Variants in WBP4 observed in about 807,000 individuals in gnomAD.
WBP4 encodes the protein WW domain-binding protein 4.
A neutral mutation model predicts 55.4 loss-of-function variants in WBP4; 37 were observed. The ratio of observed to expected loss-of-function variants is 0.67; its 90% CI spans 0.51 to 0.88. WBP4 has a LOEUF of 0.88. Ranked by LOEUF, WBP4 falls within the 40% of genes least tolerant of loss-of-function variation. The pLI, the probability that WBP4 is intolerant of heterozygous loss-of-function variation, is 0.00. For synonymous variants in WBP4, 142 were observed against 140.2 expected, an observed-to-expected ratio of 1.01 and a Z score of -0.09; for missense variants, 398 against 420.8, an observed-to-expected ratio of 0.95 and a Z score of 0.47.
chr13:41,062,510 A>G, intron 1 of WBP4, 134 bp from the exon 2 acceptor site: 1 of 797,156 alleles, frequency 1.3e-6, no homozygotes, highest in Non-Finnish European at 1.8e-6. Context: ...GATAAATAAT[A>G]AAACGACTAT....
chr13:41,076,483 T>G (rs1449971952), intron 8 of WBP4, among the ~76,000 whole-genome samples: 1 of 151,932 alleles, frequency 6.6e-6, no homozygotes, highest in Non-Finnish European at 1.5e-5. Context: ...TTTTACCATG[T>G]TAATAACCAG....
chr13:41,064,958 A>C, intron 2 of WBP4, 58 bp from the exon 3 acceptor site: 4 of 1,402,892 alleles, frequency 2.9e-6, no homozygotes, highest in Non-Finnish European at 3.8e-6. Flanking sequence ...TATGTTTACT[A>C]TGAATTTTAT....
chr13:41,068,724 T>A lies in WBP4; in HGVS notation c.426T>A (p.Asp142Glu). The A allele has an allele frequency of 5.0e-6, 8 of 1,600,210 alleles. No homozygotes were observed. The highest frequency in any genetic ancestry group is 6.0e-6 in the Non-Finnish European group (7 of 1,174,744). The change falls in exon 5 of 10, where the codon GAT becomes GAA. Residue 142 changes from aspartate to glutamate, a missense_variant. Physicochemically the swap from Asp to Glu is conservative, Grantham distance 45 (BLOSUM62 2). Coordinates refer to ENST00000379487, the MANE Select transcript of WBP4 (RefSeq NM_007187.5). ...ITSEGYHYYY[D>E]LISGASQWEK... The stretch of plus-strand genomic sequence containing the variant: ...CTGAGGGTTACCATTACTATTATGA[T>A]CTTATCTCAGGAGGTAAGTCATTTA...
rs1168410209 is a variant in WBP4 at position 41,061,569 on chromosome 13, A to C, written c.-105A>C. The C allele has an allele frequency of 1.7e-5, 26 of 1,558,372 alleles. No homozygotes were observed. Among genetic ancestry groups the C allele is most frequent in the Non-Finnish European group, 2.2e-5 (25 of 1,134,408 alleles). ...TGAGTAAGGTGTCTGGATCGGAGGGAGGTTCGGGTGGGCATCGGGCGGCTG... is the reference window on the plus strand; with the variant it reads ...TGAGTAAGGTGTCTGGATCGGAGGGCGGTTCGGGTGGGCATCGGGCGGCTG... On this transcript the variant is annotated 5_prime_UTR_variant, in exon 1 of 10. Coordinates refer to ENST00000379487, the MANE Select transcript of WBP4 (RefSeq NM_007187.5).
chr13:41,080,501 A>G (rs755469940), intron 8 of WBP4, 145 bp from the exon 9 acceptor site: 8 of 628,310 alleles, frequency 1.3e-5, no homozygotes, highest in South Asian at 6.7e-5. Flanking sequence ...GTAAAGTTCT[A>G]TGTATATTTA....
intron 2 of WBP4, among the ~76,000 whole-genome samples, chr13:41,063,891 C>T (rs931329999): frequency 4.6e-5 from 7 of 152,100 alleles, no homozygotes; most frequent in Admixed American, 3.3e-4. Flanking sequence ...GTTAATGCAT[C>T]ATGTAAGATT....
intron 4 of WBP4, among the ~76,000 whole-genome samples, chr13:41,067,080 C>G (rs1389790489): frequency 6.6e-6 from 1 of 152,112 alleles, no homozygotes; most frequent in Non-Finnish European, 1.5e-5. Flanking sequence ...CCTCGACCTC[C>G]CGGGCTCCAG....
intron 8 of WBP4, among the ~76,000 whole-genome samples, chr13:41,079,042 CTGTT>C (rs1476984123): frequency 3.3e-5 from 5 of 151,982 alleles, no homozygotes; most frequent in African/African-American, 1.2e-4. Flanking sequence ...TTGGGAAAAA[CTGTT>C]TGCAAACTAT....
intron 2 of WBP4, 144 bp from the exon 3 acceptor site, chr13:41,064,872 A>G (rs1481774353): frequency 2.6e-6 from 2 of 756,360 alleles, no homozygotes; most frequent in Non-Finnish European, 2.0e-6. Context: ...TAAAAGGGCC[A>G]ATTTGCATTA....
Position 41,080,717 on chromosome 13 carries a change from T to G in WBP4, c.828T>G (p.Asn276Lys). The G allele has an allele frequency of 1.2e-6, 2 of 1,606,550 alleles. No homozygotes were observed. Among genetic ancestry groups the G allele is most frequent in the Non-Finnish European group, 1.7e-6 (2 of 1,178,170 alleles). ...AAGAAAAAAGTATTCAGAAACAGAA[T>G]TCATTAGGTTCAAATGAAGAAAAAT... is the stretch of plus-strand genomic sequence containing the variant. ...TQKEKSIQKQNSLGSNEEKSK... is the reference protein window; with the variant it reads ...TQKEKSIQKQKSLGSNEEKSK... The change falls in exon 9 of 10, where the codon AAT (asparagine) becomes AAG (lysine). Residue 276 changes from asparagine (N) to lysine (K), a missense_variant. By Grantham distance (94) the Asn-to-Lys change is moderately conservative (BLOSUM62 0). Coordinates refer to ENST00000379487, the MANE Select transcript of WBP4 (RefSeq NM_007187.5).
chr13:41,080,662 G>T lies in WBP4; in HGVS notation c.773G>T (p.Ser258Ile). ...ACATTTCAGGAAAAAAATAAAAATA[G>T]TGATGGAGGAAGTGACCCAGAAACA... The part of the protein sequence containing the change: ...KIKFKEKNKN[S>I]DGGSDPETQK... Residue 258 changes from serine (S) to isoleucine (I), a missense_variant, in exon 9 of 10, where the codon AGT becomes ATT. Transcript: ENST00000379487. The T allele has an allele frequency of 6.3e-7, 1 of 1,583,080 alleles. No homozygotes were observed. Among genetic ancestry groups the T allele is most frequent in the Non-Finnish European group, 8.5e-7 (1 of 1,172,692 alleles).
chr13:41,061,778 C>A, intron 1 of WBP4, 103 bp downstream of exon 1: 1 of 1,554,324 alleles, frequency 6.4e-7, no homozygotes, highest in Non-Finnish European at 8.8e-7. Context: ...CGGCCGGGGG[C>A]GTGACAGACG....
At chr13:41,063,193 ACT>A (rs543125269) in intron 2 of WBP4, among the ~76,000 whole-genome samples, 240 of 152,096 alleles carry the variant, frequency 1.6e-3, no homozygotes, top group African/African-American at 5.3e-3. Flanking sequence ...CAAAGTAACA[ACT>A]CTGTTAGGTA....
At chr13:41,061,804 C>G (rs1030375843) in intron 1 of WBP4, 129 bp downstream of exon 1, 1 of 1,464,254 alleles carries the variant, frequency 6.8e-7, no homozygotes, top group Non-Finnish European at 9.3e-7. Flanking sequence ...TTAACTCGCT[C>G]GGGACCGGCC....
intron 7 of WBP4, among the ~76,000 whole-genome samples, chr13:41,074,210 C>T (rs1878378579): frequency 1.3e-5 from 2 of 152,132 alleles, no homozygotes; most frequent in South Asian, 2.1e-4. Flanking sequence ...GGATTACAGG[C>T]GTGAGCCACC....
chr13:41,071,658 C>CTTTA, intron 6 of WBP4, 85 bp downstream of exon 6: 4 of 1,309,550 alleles, frequency 3.1e-6, no homozygotes, highest in Non-Finnish European at 4.3e-6. Context: ...TGCTAAGCAA[C>CTTTA]TTTATTTACA....
intron 8 of WBP4, among the ~76,000 whole-genome samples, chr13:41,078,854 A>C (rs1878625542): frequency 6.6e-6 from 1 of 152,140 alleles, no homozygotes; most frequent in Admixed American, 6.6e-5. Flanking sequence ...AAAGAAAAAA[A>C]AAATCCTAGA....
intron 1 of WBP4, chr13:41,062,096 G>GTTTTTTTTTTT (rs60658317): frequency 1.3e-4 from 101 of 805,516 alleles, no homozygotes; most frequent in Middle Eastern, 6.7e-4. Context: ...TAGCGTAATG[G>GTTTTTTTTTTT]TTTTTTTTTT....
intron 6 of WBP4, 76 bp from the exon 7 acceptor site, chr13:41,072,706 T>G: frequency 7.6e-7 from 1 of 1,312,494 alleles, no homozygotes; most frequent in Non-Finnish European, 1.1e-6. Flanking sequence ...GAGGCAAGGG[T>G]GGCTGACTGT....
Sources: gnomAD v4.1 joint callset for allele counts (sites outside exome capture counted in the v4.1 genomes callset) on GRCh38, gnomAD v4.1.1 for gene constraint, MANE v1.5 for transcripts, NCBI Gene and HGNC (gene_info 2026-07-23, HGNC 2026-07-21) for gene names.